The following FGF6 variants were observed in gnomAD, a reference collection of about 807,000 sequenced individuals.
FGF6 encodes the protein fibroblast growth factor 6.
A neutral mutation model predicts 18.4 loss-of-function variants in FGF6; 14 were observed. The observed-to-expected ratio is 0.76, with a 90% CI of 0.50 to 1.19. FGF6 has a LOEUF of 1.19. Among genes scored for constraint, FGF6 ranks in the 50% most tolerant of loss-of-function variants. The pLI is 0.00. For missense variants in FGF6, 266 were observed against 271.6 expected (o/e 0.98, Z 0.15); for synonymous variants, 125 against 116.7 (o/e 1.07, Z -0.46).
At chr12:4,444,834 C>G (rs1379260767) in intron 1 of FGF6, among the ~76,000 whole-genome samples, 1 of 152,138 alleles carries the variant, frequency 6.6e-6, no homozygotes, top group African/African-American at 2.4e-5. Flanking sequence ...ATTGAATTTC[C>G]CTTCCTTCTC....
intron 1 of FGF6, among the ~76,000 whole-genome samples, chr12:4,444,725 C>T (rs1436130847): frequency 3.3e-5 from 5 of 152,176 alleles, no homozygotes; most frequent in African/African-American, 1.2e-4. Flanking sequence ...AACCATACAG[C>T]AAGCTGGCAG....
intron 2 of FGF6, among the ~76,000 whole-genome samples, chr12:4,439,904 A>G (rs1210958909): frequency 1.3e-5 from 2 of 152,226 alleles, no homozygotes; most frequent in Non-Finnish European, 2.9e-5. Flanking sequence ...GGCCTGTGGC[A>G]TGAAGGAGAG....
At chr12:4,440,861 G>A (rs1865682133) in intron 2 of FGF6, among the ~76,000 whole-genome samples, 1 of 152,308 alleles carries the variant, frequency 6.6e-6, no homozygotes, top group Admixed American at 6.5e-5. Flanking sequence ...CCAAGGCAAG[G>A]CTGGTCCTCC....
chr12:4,435,848 G>C (rs1444580510), intron 2 of FGF6, among the ~76,000 whole-genome samples: 1 of 152,138 alleles, frequency 6.6e-6, no homozygotes, highest in Non-Finnish European at 1.5e-5. Context: ...CAACCTGCCT[G>C]GGTGGCTGCC....
chr12:4,444,547 C>T (rs1214758621), intron 1 of FGF6, among the ~76,000 whole-genome samples: 1 of 152,176 alleles, frequency 6.6e-6, no homozygotes, highest in Non-Finnish European at 1.5e-5. Context: ...ACTTGAGGTC[C>T]TTGACTTGAG....
At chr12:4,435,689 A>T (rs542702324) in intron 2 of FGF6, among the ~76,000 whole-genome samples, 31 of 152,286 alleles carry the variant, frequency 2.0e-4, no homozygotes, top group Non-Finnish European at 2.9e-4. Flanking sequence ...AATTTTGTAG[A>T]GTGTGTGTGG....
At position 4,445,345 on chromosome 12, in the gene FGF6, T is replaced by C. The variant is rs767044753; in HGVS notation, c.226A>G (p.Ser76Gly). ...AGEIAGVNWE[S>G]GYLVGIKRQR... ...CGCTTGATCCCCACCAAATAGCCAC[T>C]TTCCCAGTTCACCCCGGCAATCTCT... Residue 76 changes from serine to glycine, a missense_variant, in exon 1 of 3, where the codon AGT becomes GGT. Transcript: ENST00000228837. The surrounding 1 kb of genome is among the most constrained non-coding windows in gnomAD (Gnocchi z 5.5). 5.6e-6 allele frequency: 9 copies of C among 1,614,038 alleles called. No individual in the cohort carries two copies. The highest frequency in any genetic ancestry group is 7.6e-6 in the Non-Finnish European group (9 of 1,180,016).
At chr12:4,440,703 C>A (rs17183654) in intron 2 of FGF6, among the ~76,000 whole-genome samples, 1 of 152,304 alleles carries the variant, frequency 6.6e-6, no homozygotes, top group African/African-American at 2.4e-5. Flanking sequence ...TTGTAGCAGG[C>A]GGGGATTTGT....
chr12:4,441,454 C>T (rs1215511205), intron 2 of FGF6, among the ~76,000 whole-genome samples: 1 of 152,084 alleles, frequency 6.6e-6, no homozygotes, highest in Non-Finnish European at 1.5e-5. Context: ...AGATCATGCT[C>T]GTGAAGCCCT....
At position 4,444,143 on chromosome 12, in the gene FGF6, A is replaced by C. The variant is rs1565472003; in HGVS notation, c.440T>G (p.Leu147Trp). Residue 147 changes from leucine (L) to tryptophan (W), a missense_variant, in exon 2 of 3, where the codon TTG (leucine) becomes TGG (tryptophan). Leu to Trp is a moderately conservative substitution (Grantham distance 61). Coordinates refer to ENST00000228837, the MANE Select transcript of FGF6 (RefSeq NM_020996.3). ...GCCTGGTGAACTCACCGTTGCGTAC[A>C]ATCTTCCTTTACTGTTCATGGCAAC... is the stretch of plus-strand genomic sequence containing the variant. ...LFVAMNSKGR[L>W]YATPSFQEEC... 1 of 1,611,308 alleles carries C rather than the reference A, an allele frequency of 6.2e-7. No individual in the cohort carries two copies. The highest frequency in any genetic ancestry group is 1.1e-5 in the South Asian group (1 of 90,924).
intron 2 of FGF6, among the ~76,000 whole-genome samples, chr12:4,442,016 A>G (rs1865697915): frequency 6.6e-6 from 1 of 151,452 alleles, no homozygotes. Context: ...AGGGAGGAGA[A>G]TCTCCCTCCC....
intron 2 of FGF6, among the ~76,000 whole-genome samples, chr12:4,434,856 A>G (rs990883786): frequency 3.3e-5 from 5 of 152,152 alleles, no homozygotes; most frequent in African/African-American, 1.2e-4. Flanking sequence ...TGACTTTTCT[A>G]CTTCCTAATT....
At chr12:4,440,983 A>G (rs1227148629) in intron 2 of FGF6, among the ~76,000 whole-genome samples, 1 of 152,246 alleles carries the variant, frequency 6.6e-6, no homozygotes, top group Non-Finnish European at 1.5e-5. Flanking sequence ...TCTCTGGAGG[A>G]AATCAATTTT....
chr12:4,441,714 T>A (rs924161279), intron 2 of FGF6, among the ~76,000 whole-genome samples: 4 of 151,104 alleles, frequency 2.6e-5, no homozygotes, highest in Admixed American at 6.6e-5. Context: ...CCATGAGAAA[T>A]CCCATGAACT....
chr12:4,437,237 TC>T (rs1346351118), intron 2 of FGF6, among the ~76,000 whole-genome samples: 1 of 152,192 alleles, frequency 6.6e-6, no homozygotes, highest in African/African-American at 2.4e-5. Flanking sequence ...GTACTAGTAT[TC>T]TTCTCCAAGT....
At chr12:4,439,665 T>C (rs1441410386) in intron 2 of FGF6, among the ~76,000 whole-genome samples, 1 of 152,216 alleles carries the variant, frequency 6.6e-6, no homozygotes, top group Admixed American at 6.5e-5. Flanking sequence ...CACACTTTTT[T>C]TTTTTCTGTT....
chr12:4,440,918 T>C (rs1865682665), intron 2 of FGF6, among the ~76,000 whole-genome samples: 1 of 152,156 alleles, frequency 6.6e-6, no homozygotes, highest in Non-Finnish European at 1.5e-5. Context: ...CAGATAATAA[T>C]GCAATGCCCC....
rs1865746631 is a variant in FGF6 at position 4,445,291 on chromosome 12, T to C, written c.280A>G (p.Ile94Val). ...RQRRLYCNVG[I>V]GFHLQVLPDG... The stretch of plus-strand genomic sequence containing the variant: ...GGGAGCACCTGGAGGTGAAAGCCGA[T>C]GCCCACGTTGCAGTAGAGCCTCCGC... The change falls in exon 1 of 3, where the codon ATC becomes GTC. Residue 94 changes from isoleucine (I) to valine (V), a missense_variant. By Grantham distance (29) the Ile-to-Val change is conservative. Coordinates refer to ENST00000228837, the MANE Select transcript of FGF6 (RefSeq NM_020996.3). The surrounding 1 kb of genome is among the most constrained non-coding windows in gnomAD (Gnocchi z 5.5). 1 of 1,613,984 alleles carries C rather than the reference T, an allele frequency of 6.2e-7. No individual in the cohort carries two copies. Among genetic ancestry groups the C allele is most frequent in the Non-Finnish European group, 8.5e-7 (1 of 1,180,034 alleles).
rs577855338 is a variant in FGF6 at position 4,435,512 on chromosome 12, C to T, written c.451-1121G>A. On this transcript the variant is annotated intron_variant, in intron 2 of 2. Transcript: ENST00000228837. The stretch of plus-strand genomic sequence containing the variant: ...CTTCCATGAAACTGGTCCCTGGTGC[C>T]AAAAAGGCTGGGGACTGCTGTCCAA... Among the ~76,000 whole-genome samples, 20 of 152,242 alleles carry T rather than the reference C, an allele frequency of 1.3e-4. No homozygotes were observed. The East Asian group carries it at 3.7e-3, about 28-fold the overall frequency.
Sources: gnomAD v4.1 joint callset for allele counts (sites outside exome capture counted in the v4.1 genomes callset) on GRCh38, gnomAD v4.1.1 for gene constraint, Gnocchi (gnomAD v3.1) non-coding constraint, MANE v1.5 for transcripts, NCBI Gene and HGNC (gene_info 2026-07-23, HGNC 2026-07-21) for gene names.